The following CCDC92 variants were observed in gnomAD, a reference collection of about 807,000 sequenced individuals.
CCDC92 encodes coiled-coil domain containing 92, also known as coiled-coil domain-containing protein 92.
Under a neutral mutation model 24.9 loss-of-function variants are expected in CCDC92, and 12 were observed. That is an observed-to-expected ratio of 0.48 (90% CI 0.31 to 0.78). The LOEUF is 0.78. Among genes scored for constraint, CCDC92 ranks in the 30% least tolerant of loss-of-function variants. The pLI is 0.05. For missense variants in CCDC92, 399 were observed against 439.4 expected (o/e 0.91, Z 0.82); for synonymous variants, 193 against 196.3 (o/e 0.98, Z 0.14).
rs77931901 is a variant in CCDC92, at chr12:123,936,709, C to T, written c.*349G>A. 413 of 358,432 alleles carry T rather than the reference C, an allele frequency of 1.2e-3. No homozygotes were observed. The highest frequency in any genetic ancestry group is 7.9e-3 in the African/African-American group (377 of 47,454). The allele number at this position is 358,432 out of a possible 1,614,324, so 22.2% of individuals were successfully genotyped here. On this transcript the variant is annotated 3_prime_UTR_variant, in exon 5 of 5. Coordinates refer to ENST00000238156, the MANE Select transcript of CCDC92 (RefSeq NM_025140.3). ...AGGTCAAGGTTGGTATGTGTTGCTCCGACTTGAGAATGAATTAGGTGTGTG... is the reference window on the plus strand; with the variant it reads ...AGGTCAAGGTTGGTATGTGTTGCTCTGACTTGAGAATGAATTAGGTGTGTG...
chr12:123,944,069 G>T, intron 2 of CCDC92: 1 of 527,810 alleles, frequency 1.9e-6, no homozygotes, highest in Non-Finnish European at 3.3e-6. Context: ...CAAAGTAGGA[G>T]GGAGAGATGG....
At chr12:123,953,820 G>A (rs994996022) in intron 1 of CCDC92, among the ~76,000 whole-genome samples, 28 of 151,230 alleles carry the variant, frequency 1.9e-4, no homozygotes, top group African/African-American at 1.2e-4. Context: ...GCCAGGTGTC[G>A]TGGCATCCGC....
At chr12:123,964,154 A>G (rs1338948991) in intron 1 of CCDC92, among the ~76,000 whole-genome samples, 1 of 152,212 alleles carries the variant, frequency 6.6e-6, no homozygotes, top group Non-Finnish European at 1.5e-5. Context: ...TACTTGGAAA[A>G]GGTCTCTCCC....
intron 1 of CCDC92, among the ~76,000 whole-genome samples, chr12:123,948,496 G>A (rs772316617): frequency 5.9e-5 from 9 of 152,192 alleles, no homozygotes; most frequent in Non-Finnish European, 8.8e-5. Context: ...GAGAAGAAAC[G>A]GCAGGCGAGC....
At chr12:123,969,704 T>C (rs1956479822) in intron 1 of CCDC92, among the ~76,000 whole-genome samples, 1 of 152,060 alleles carries the variant, frequency 6.6e-6, no homozygotes, top group African/African-American at 2.4e-5. Context: ...CCTCGTGATC[T>C]GCCCGCCTCG....
In CCDC92 at chr12:123,972,644, C is replaced by T. The variant is rs1382539407; in HGVS notation, c.-175G>A. 1 of 146,046 alleles carries T rather than the reference C, an allele frequency of 6.8e-6. No homozygotes were observed. The highest frequency in any genetic ancestry group is 2.0e-4 in the East Asian group (1 of 4,910). The allele number at this position is 146,046 out of a possible 1,614,324, so 9.0% of individuals were successfully genotyped here. A position where few individuals can be genotyped will look rare whatever the true frequency, so the allele number is the denominator to read the frequency against. On this transcript the variant is annotated 5_prime_UTR_variant, in exon 1 of 5. Coordinates refer to ENST00000238156, the MANE Select transcript of CCDC92 (RefSeq NM_025140.3). ...GCTGGGCGGGGCGCGGCGGGCGGGG[C>T]TGCCTGGGCTCGGGCGCTGCCCGGG...
At position 123,972,682 on chromosome 12, in the gene CCDC92, G is replaced by A. The variant is rs1453720506; in HGVS notation, c.-213C>T. On this transcript the variant is annotated 5_prime_UTR_variant, in exon 1 of 5. Transcript: ENST00000238156. ...GGCGCTGCCCGGGCCGGGCCGCCGA[G>A]GGAGGTCAGTGGGCACCGCCCGCCC... 6.8e-6 allele frequency: 1 copy of A among 147,520 alleles called. No individual in the cohort carries two copies. Among genetic ancestry groups the A allele is most frequent in the African/African-American group, 2.4e-5 (1 of 40,866 alleles). The allele number at this position is 147,520 out of a possible 1,614,324, so 9.1% of individuals were successfully genotyped here.
At position 123,936,826 on chromosome 12, in the gene CCDC92, C is replaced by T; in HGVS notation, c.*232G>A. 1.6e-6 allele frequency: 1 copy of T among 608,156 alleles called. No homozygotes were observed. Among genetic ancestry groups the T allele is most frequent in the South Asian group, 2.0e-5 (1 of 50,112 alleles). The allele number at this position is 608,156 out of a possible 1,614,324, so 37.7% of individuals were successfully genotyped here. Reference sequence around the variant, plus strand: ...AGGTTACACGGAGCGGGATCAGAAGCAAGCGATTCGGCACACAGGCGTTTG... The same window carrying T: ...AGGTTACACGGAGCGGGATCAGAAGTAAGCGATTCGGCACACAGGCGTTTG... On this transcript the variant is annotated 3_prime_UTR_variant, in exon 5 of 5. Coordinates refer to ENST00000238156, the MANE Select transcript of CCDC92 (RefSeq NM_025140.3).
chr12:123,954,084 A>C (rs1433580903), intron 1 of CCDC92, among the ~76,000 whole-genome samples: 2 of 152,230 alleles, frequency 1.3e-5, no homozygotes, highest in African/African-American at 4.8e-5. Flanking sequence ...AGTCAGAAAA[A>C]ATAAAGTTTT....
chr12:123,952,858 G>T (rs920511401), intron 1 of CCDC92, among the ~76,000 whole-genome samples: 10 of 152,330 alleles, frequency 6.6e-5, no homozygotes, highest in Non-Finnish European at 4.4e-5. Context: ...CATTCTTAAA[G>T]AATTAGGCTT....
intron 1 of CCDC92, among the ~76,000 whole-genome samples, chr12:123,972,323 C>T (rs1223905042): frequency 6.6e-6 from 1 of 152,124 alleles, no homozygotes; most frequent in East Asian, 1.9e-4. Context: ...CCACCCCTGC[C>T]CCTGGGGGAG....
At chr12:123,972,277 C>A (rs1469053996) in intron 1 of CCDC92, among the ~76,000 whole-genome samples, 2 of 152,048 alleles carry the variant, frequency 1.3e-5, no homozygotes, top group Non-Finnish European at 2.9e-5. Context: ...CCTCTTTCCC[C>A]GACTCCGCCG....
chr12:123,943,452 G>A lies in CCDC92; in HGVS notation c.76C>T (p.Gln26Ter), dbSNP rs1955751558. The A allele has an allele frequency of 1.2e-6, 2 of 1,614,122 alleles. No individual in the cohort carries two copies. The highest frequency in any genetic ancestry group is 1.7e-5 in the Admixed American group (1 of 60,016). Residue 26 changes from glutamine to a stop codon, truncating the protein, a stop_gained, in exon 3 of 5, where the codon CAG (glutamine) becomes TAG (stop). Transcript: ENST00000238156. LOFTEE classifies it high-confidence loss of function. Reference protein sequence around the residue: ...VSMAATNLENQLHSAQKNLLF... With the variant: ...VSMAATNLEN ...AGGTTCTTCTGTGCGCTGTGCAGCTGGTTCTCCAGGTTTGTGGCTGCCATG... is the reference window on the plus strand; with the variant it reads ...AGGTTCTTCTGTGCGCTGTGCAGCTAGTTCTCCAGGTTTGTGGCTGCCATG...
chr12:123,953,498 G>C (rs964805544), intron 1 of CCDC92, among the ~76,000 whole-genome samples: 1 of 152,234 alleles, frequency 6.6e-6, no homozygotes, highest in African/African-American at 2.4e-5. Context: ...ATTTGTCTCA[G>C]CCAGGCACAG....
chr12:123,958,968 G>A (rs958473948), intron 1 of CCDC92, among the ~76,000 whole-genome samples: 2 of 152,104 alleles, frequency 1.3e-5, no homozygotes, highest in African/African-American at 4.8e-5. Flanking sequence ...TCTCTCCCTC[G>A]GTTGCACTCT....
At chr12:123,939,751 G>A (rs1955629281) in intron 4 of CCDC92, among the ~76,000 whole-genome samples, 1 of 151,900 alleles carries the variant, frequency 6.6e-6, no homozygotes, top group South Asian at 2.1e-4. Flanking sequence ...CTAAAACACA[G>A]TTTCAGAGGT....
chr12:123,944,343 G>A lies in CCDC92; in HGVS notation c.-38C>T, dbSNP rs376401878. On this transcript the variant is annotated 5_prime_UTR_variant, in exon 2 of 5. Coordinates refer to ENST00000238156, the MANE Select transcript of CCDC92 (RefSeq NM_025140.3). ...AAAAGCTACCAGAGTAATTCAAGAC[G>A]CTTGTACAGCACTGAAAAATACTGA... 5.9e-6 allele frequency: 9 copies of A among 1,525,530 alleles called. No individual in the cohort carries two copies. The highest frequency in any genetic ancestry group is 1.4e-5 in the African/African-American group (1 of 69,776). The allele number at this position is 1,525,530 out of a possible 1,614,324, so 94.5% of individuals were successfully genotyped here. A position where few individuals can be genotyped will look rare whatever the true frequency, so the allele number is the denominator to read the frequency against.
intron 4 of CCDC92, among the ~76,000 whole-genome samples, chr12:123,942,428 C>T (rs886356957): frequency 2.0e-5 from 3 of 152,324 alleles, no homozygotes; most frequent in South Asian, 2.1e-4. Flanking sequence ...GTTTAACTCA[C>T]GTCTATTTTT....
rs1265631417 is a variant in CCDC92 at position 123,936,069 on chromosome 12, G to C, written c.*989C>G. ...GCCTGCCTGGGTCTGTGTGGGGTCA[G>C]GTAAGGACACAGAACCTCCAGGACC... is the stretch of plus-strand genomic sequence containing the variant. On this transcript the variant is annotated 3_prime_UTR_variant, in exon 5 of 5. Coordinates refer to ENST00000238156, the MANE Select transcript of CCDC92 (RefSeq NM_025140.3). 6.5e-6 allele frequency: 1 copy of C among 152,728 alleles called. No individual in the cohort carries two copies. The highest frequency in any genetic ancestry group is 1.9e-4 in the East Asian group (1 of 5,210). 9.5% of individuals were successfully genotyped at this position (152,728 alleles called of 1,614,324 possible). A position where few individuals can be genotyped will look rare whatever the true frequency, so the allele number is the denominator to read the frequency against.
Sources: gnomAD v4.1 joint callset for allele counts (sites outside exome capture counted in the v4.1 genomes callset) on GRCh38, gnomAD v4.1.1 for gene constraint, MANE v1.5 for transcripts, NCBI Gene and HGNC (gene_info 2026-07-23, HGNC 2026-07-21) for gene names.